SPATS2: variants seen among roughly 807,000 people sequenced by gnomAD.
The protein encoded by SPATS2 is spermatogenesis-associated serine-rich protein 2.
In SPATS2, 38 loss-of-function variants were observed where a neutral mutation model predicts 63.7. The ratio of observed to expected loss-of-function variants is 0.60; its 90% confidence interval spans 0.46 to 0.78. The LOEUF is 0.78. Among genes scored for constraint, SPATS2 ranks in the 30% least tolerant of loss-of-function variants. The pLI is 0.00. For synonymous variants in SPATS2, 207 were observed against 232.9 expected (o/e 0.89, Z 1.01); for missense variants, 588 against 666.2 (o/e 0.88, Z 1.29).
intron 1 of SPATS2, among the ~76,000 whole-genome samples, chr12:49,369,723 A>G (rs1005335233): frequency 2.6e-5 from 4 of 152,218 alleles, no homozygotes; most frequent in African/African-American, 9.7e-5. Context: ...AAATAGGGCT[A>G]AAAACATCTT....
chr12:49,405,629 G>T (rs560000665), intron 2 of SPATS2, among the ~76,000 whole-genome samples: 1 of 152,202 alleles, frequency 6.6e-6, no homozygotes, highest in Non-Finnish European at 1.5e-5. Context: ...AACCCGGGAG[G>T]TAGAGGTTGC....
intron 3 of SPATS2, among the ~76,000 whole-genome samples, chr12:49,482,427 A>G (rs949708063): frequency 2.0e-5 from 3 of 152,120 alleles, no homozygotes; most frequent in African/African-American, 7.2e-5. Context: ...GGCGCTTTCT[A>G]TACCAGATGA....
At chr12:49,504,775 T>TTTC (rs1474199244) in intron 9 of SPATS2, among the ~76,000 whole-genome samples, 2 of 146,374 alleles carry the variant, frequency 1.4e-5, no homozygotes, top group African/African-American at 5.0e-5. Context: ...TCTTTCTTTT[T>TTTC]TTTTTTTTTT....
At chr12:49,478,693 A>G (rs1330563335) in intron 3 of SPATS2, among the ~76,000 whole-genome samples, 1 of 152,206 alleles carries the variant, frequency 6.6e-6, no homozygotes, top group Non-Finnish European at 1.5e-5. Flanking sequence ...CAGGTTATCT[A>G]GACTTCTGGG....
rs569787499 is a variant in SPATS2, at chr12:49,379,545, C to T, written c.-244+8255C>T. ...CAGCATGGGTGACAGAGCGAGAATCCGTCTCAAAAAAAAAAAAAAAAAAGA... is the reference window on the plus strand; with the variant it reads ...CAGCATGGGTGACAGAGCGAGAATCTGTCTCAAAAAAAAAAAAAAAAAAGA... On this transcript the variant is annotated intron_variant, in intron 2 of 13. Coordinates refer to ENST00000552918, the MANE Select transcript of SPATS2 (RefSeq NM_023071.4). 5.1e-4 allele frequency among the ~76,000 whole-genome samples: 63 copies of T among 122,810 alleles called. No homozygotes were observed. The South Asian group carries it at 0.013, about 24-fold the overall frequency. 80.6% of individuals were successfully genotyped at this position (122,810 alleles called of 152,430 possible). A position where few individuals can be genotyped will look rare whatever the true frequency, so the allele number is the denominator to read the frequency against.
chr12:49,400,574 T>C (rs1243855999), intron 2 of SPATS2, among the ~76,000 whole-genome samples: 1 of 151,996 alleles, frequency 6.6e-6, no homozygotes, highest in Non-Finnish European at 1.5e-5. Flanking sequence ...TGGCTGTAGA[T>C]AGGAGCAGTC....
chr12:49,477,005 T>C (rs1946130200), intron 3 of SPATS2, among the ~76,000 whole-genome samples: 1 of 150,820 alleles, frequency 6.6e-6, no homozygotes, highest in Admixed American at 6.6e-5. Context: ...CTTGGGAGGG[T>C]GAGACAGGAG....
At chr12:49,442,613 C>T in intron 2 of SPATS2, 1 of 155,026 alleles carries the variant, frequency 6.5e-6, no homozygotes. Context: ...GGCTTCGTTT[C>T]CCCCTTTGCA....
intron 1 of SPATS2, among the ~76,000 whole-genome samples, chr12:49,368,389 A>C (rs914606799): frequency 1.3e-5 from 2 of 152,244 alleles, no homozygotes; most frequent in Admixed American, 6.5e-5. Flanking sequence ...AGGAGAGGAC[A>C]GATCACCAAA....
At chr12:49,446,932 C>CTTTTTTT in intron 2 of SPATS2, among the ~76,000 whole-genome samples, 1 of 142,870 alleles carries the variant, frequency 7.0e-6, no homozygotes, top group African/African-American at 2.6e-5. Flanking sequence ...CTTTTCTTTT[C>CTTTTTTT]TTTTTTTTTT....
intron 2 of SPATS2, among the ~76,000 whole-genome samples, chr12:49,380,360 C>T (rs889767826): frequency 2.0e-5 from 3 of 151,890 alleles, no homozygotes; most frequent in Admixed American, 1.3e-4. Flanking sequence ...AATACTAGTC[C>T]GTTGTTCAGA....
rs149458014 is a variant in SPATS2, at chr12:49,427,001, A to G, written c.-243-33769A>G. Among the ~76,000 whole-genome samples the G allele has an allele frequency of 4.7e-4, 72 of 152,280 alleles. No homozygotes were observed. The South Asian group carries it at 0.012, about 26-fold the overall frequency. On this transcript the variant is annotated intron_variant, in intron 2 of 13. Coordinates refer to ENST00000552918, the MANE Select transcript of SPATS2 (RefSeq NM_023071.4). ...CATTATAAATGCATTTGTGTTGGGTATTACTTAGGAGTGGACTGCTGGGTC... is the reference window on the plus strand; with the variant it reads ...CATTATAAATGCATTTGTGTTGGGTGTTACTTAGGAGTGGACTGCTGGGTC...
intron 3 of SPATS2, among the ~76,000 whole-genome samples, chr12:49,479,962 A>G (rs948917426): frequency 5.3e-5 from 8 of 152,324 alleles, no homozygotes; most frequent in South Asian, 2.1e-4. Flanking sequence ...AAGGAGTAGT[A>G]CCGTGACTGA....
chr12:49,423,938 CA>C (rs1276950324), intron 2 of SPATS2, among the ~76,000 whole-genome samples: 1 of 152,138 alleles, frequency 6.6e-6, no homozygotes, highest in Non-Finnish European at 1.5e-5. Context: ...CGCAGTGGCT[CA>C]CTCCTGTAAT....
At chr12:49,505,333 C>T (rs1946638824) in intron 9 of SPATS2, among the ~76,000 whole-genome samples, 1 of 152,124 alleles carries the variant, frequency 6.6e-6, no homozygotes, top group South Asian at 2.1e-4. Flanking sequence ...CTTGTTTCTA[C>T]TAGTACTTGA....
chr12:49,465,901 G>A (rs1383722837), intron 3 of SPATS2, among the ~76,000 whole-genome samples: 1 of 151,886 alleles, frequency 6.6e-6, no homozygotes. Flanking sequence ...CCAGGATCAC[G>A]CCATTGCACT....
At chr12:49,505,176 C>T (rs545205973) in intron 9 of SPATS2, among the ~76,000 whole-genome samples, 1 of 152,104 alleles carries the variant, frequency 6.6e-6, no homozygotes, top group Non-Finnish European at 1.5e-5. Context: ...TTTTATGAAC[C>T]AAACTACCTG....
At chr12:49,445,301 G>T (rs1319975462) in intron 2 of SPATS2, among the ~76,000 whole-genome samples, 1 of 152,020 alleles carries the variant, frequency 6.6e-6, no homozygotes, top group Non-Finnish European at 1.5e-5. Flanking sequence ...CCATGAATGG[G>T]TATGGGTGCG....
At chr12:49,408,249 C>A (rs541222344) in intron 2 of SPATS2, among the ~76,000 whole-genome samples, 6 of 147,178 alleles carry the variant, frequency 4.1e-5, no homozygotes, top group African/African-American at 1.5e-4. Flanking sequence ...TGATAGTATT[C>A]TTCTTTTTTT....
Sources: gnomAD v4.1 joint callset for allele counts (sites outside exome capture counted in the v4.1 genomes callset) on GRCh38, gnomAD v4.1.1 for gene constraint, MANE v1.5 for transcripts, NCBI Gene and HGNC (gene_info 2026-07-23, HGNC 2026-07-21) for gene names.